Variants in PKIB observed in about 807,000 individuals in gnomAD.
PKIB encodes cAMP-dependent protein kinase inhibitor beta.
A neutral mutation model predicts 4.5 loss-of-function variants in PKIB; 2 were observed. The observed-to-expected ratio is 0.44, with a 90% CI of 0.18 to 1.39. PKIB has a LOEUF of 1.39. Among genes scored for constraint, PKIB ranks in the 40% most tolerant of loss-of-function variants. The pLI is 0.27. For synonymous variants in PKIB, 38 were observed against 36.0 expected, an observed-to-expected ratio of 1.06 and a Z score of -0.20; for missense variants, 94 against 92.6, an observed-to-expected ratio of 1.02 and a Z score of -0.06.
At chr6:122,522,382 G>A (rs1776971094) in intron 2 of PKIB, among the ~76,000 whole-genome samples, 1 of 152,124 alleles carries the variant, frequency 6.6e-6, no homozygotes, top group Non-Finnish European at 1.5e-5. Context: ...CCTTTCCAGG[G>A]GAGTGAATGG....
intron 2 of PKIB, chr6:122,644,791 G>A (rs953457612): frequency 2.6e-5 from 4 of 152,122 alleles, no homozygotes; most frequent in Middle Eastern, 3.2e-3. Context: ...TTTCTATGTG[G>A]AGTATTAATG....
At chr6:122,646,205 G>C (rs1334522007) in intron 2 of PKIB, among the ~76,000 whole-genome samples, 1 of 152,116 alleles carries the variant, frequency 6.6e-6, no homozygotes, top group Non-Finnish European at 1.5e-5. Flanking sequence ...TAATAGAAGA[G>C]AAAATTATGT....
intron 3 of PKIB, among the ~76,000 whole-genome samples, chr6:122,705,791 T>G (rs1473211660): frequency 1.3e-5 from 2 of 152,060 alleles, no homozygotes; most frequent in Admixed American, 1.3e-4. Context: ...GGTCTCGATC[T>G]CCTGACCTTG....
upstream of PKIB, among the ~76,000 whole-genome samples, chr6:122,608,542 T>G (rs900654496): frequency 2.6e-5 from 4 of 152,250 alleles, no homozygotes; most frequent in African/African-American, 9.6e-5. Flanking sequence ...ATCAAAAATC[T>G]TAAATCTAAA....
chr6:122,725,211 C>G lies in PKIB; in HGVS notation c.*16C>G, dbSNP rs1193030416. On this transcript the variant is annotated 3_prime_UTR_variant, in exon 5 of 5. Transcript: ENST00000368452. ...AGAAAAATGAAGGCTCATAATCTATCAAGAGTGCTGAATTTCTGCATGTTG... is the reference window on the plus strand; with the variant it reads ...AGAAAAATGAAGGCTCATAATCTATGAAGAGTGCTGAATTTCTGCATGTTG... The G allele has an allele frequency of 6.3e-7, 1 of 1,594,976 alleles. No homozygotes were observed. The highest frequency in any genetic ancestry group is 8.6e-7 in the Non-Finnish European group (1 of 1,167,580).
exon 1 of PKIB, chr6:122,471,974 A>G: frequency 1.0e-6 from 1 of 973,544 alleles, no homozygotes; most frequent in Non-Finnish European, 1.4e-6. Flanking sequence ...AGAATTTCTC[A>G]AGGACTGCTG....
intron 3 of PKIB, among the ~76,000 whole-genome samples, chr6:122,699,000 C>T (rs1195715218): frequency 2.0e-5 from 3 of 151,984 alleles, no homozygotes; most frequent in Non-Finnish European, 4.4e-5. Context: ...TTTGTATATT[C>T]TTAATGAATA....
chr6:122,661,340 G>C (rs1776981592), intron 2 of PKIB, among the ~76,000 whole-genome samples: 1 of 152,092 alleles, frequency 6.6e-6, no homozygotes, highest in Admixed American at 6.5e-5. Flanking sequence ...AACATTAGTT[G>C]TGACTCCCTA....
intron 2 of PKIB, among the ~76,000 whole-genome samples, chr6:122,484,793 T>C (rs531188982): frequency 6.6e-5 from 10 of 152,290 alleles, no homozygotes; most frequent in South Asian, 2.1e-4. Context: ...AAACTAAATA[T>C]GGTCTGAGAA....
chr6:122,654,668 T>C (rs1212769692), intron 2 of PKIB, among the ~76,000 whole-genome samples: 2 of 152,184 alleles, frequency 1.3e-5, no homozygotes, highest in East Asian at 3.8e-4. Flanking sequence ...ATCCTCAACT[T>C]TCAAAAACAG....
chr6:122,583,709 A>T (rs932923578), intron 2 of PKIB, among the ~76,000 whole-genome samples: 4 of 152,120 alleles, frequency 2.6e-5, no homozygotes, highest in Non-Finnish European at 5.9e-5. Flanking sequence ...AATCATAATG[A>T]TGGTATTAAT....
intron 2 of PKIB, among the ~76,000 whole-genome samples, chr6:122,528,869 T>A (rs1777172984): frequency 6.6e-6 from 1 of 152,088 alleles, no homozygotes; most frequent in Non-Finnish European, 1.5e-5. Context: ...AGTAAGACCT[T>A]ATTTCTTTAA....
At chr6:122,694,012 G>C (rs1371016100) in intron 3 of PKIB, among the ~76,000 whole-genome samples, 1 of 152,154 alleles carries the variant, frequency 6.6e-6, no homozygotes, top group Non-Finnish European at 1.5e-5. Flanking sequence ...AATTGGATGA[G>C]TAGGCTTCCA....
chr6:122,685,115 T>G (rs753800819), intron 3 of PKIB, among the ~76,000 whole-genome samples: 1 of 152,150 alleles, frequency 6.6e-6, no homozygotes, highest in Non-Finnish European at 1.5e-5. Flanking sequence ...GTGATAGAAT[T>G]AGGAACTGGA....
intron 3 of PKIB, among the ~76,000 whole-genome samples, chr6:122,587,862 G>T (rs1449211344): frequency 5.3e-5 from 8 of 151,994 alleles, no homozygotes; most frequent in South Asian, 2.1e-4. Context: ...TCGTCTACTT[G>T]TTGATGGGGT....
chr6:122,658,215 G>A (rs952198969), intron 2 of PKIB, among the ~76,000 whole-genome samples: 2 of 152,102 alleles, frequency 1.3e-5, no homozygotes, highest in South Asian at 4.1e-4. Flanking sequence ...ACTTATATTT[G>A]CAGAACTAGT....
intron 2 of PKIB, among the ~76,000 whole-genome samples, chr6:122,665,606 A>C (rs532250146): frequency 1.0e-3 from 155 of 152,336 alleles, no homozygotes; most frequent in Non-Finnish European, 1.8e-3. Flanking sequence ...AATGAGATCA[A>C]AATCACACAG....
intron 2 of PKIB, among the ~76,000 whole-genome samples, chr6:122,558,923 C>T (rs1772931027): frequency 6.6e-6 from 1 of 152,068 alleles, no homozygotes; most frequent in African/African-American, 2.4e-5. Context: ...CCCACAAGTC[C>T]CCAAAGTCCA....
intron 2 of PKIB, among the ~76,000 whole-genome samples, chr6:122,522,272 C>T (rs1776968476): frequency 6.6e-6 from 1 of 152,154 alleles, no homozygotes; most frequent in African/African-American, 2.4e-5. Context: ...ATTACTTTTG[C>T]ACTGGCAGTG....
Sources: allele counts gnomAD v4.1 joint callset (sites outside exome capture counted in the v4.1 genomes callset), GRCh38; gene constraint gnomAD v4.1.1; transcripts MANE v1.5; gene names NCBI Gene and HGNC (gene_info 2026-07-23, HGNC 2026-07-21).